Variants in MNAT1 observed in about 807,000 individuals in gnomAD.
The protein encoded by MNAT1 is CDK-activating kinase assembly factor MAT1.
MNAT1 carries 43 observed loss-of-function variants against 42.0 expected under a neutral mutation model. That is an observed-to-expected ratio of 1.02 (90% confidence interval 0.80 to 1.32). The LOEUF is 1.32. MNAT1 is among the 40% of genes most tolerant of loss of function. The pLI, the probability that MNAT1 is intolerant of heterozygous loss-of-function variation, is 0.00. For synonymous variants in MNAT1, 118 were observed against 120.0 expected, an observed-to-expected ratio of 0.98 and a Z score of 0.11; for missense variants, 306 against 350.4, an observed-to-expected ratio of 0.87 and a Z score of 1.01.
chr14:60,930,574 T>C (rs1382018596), intron 7 of MNAT1, among the ~76,000 whole-genome samples: 1 of 152,160 alleles, frequency 6.6e-6, no homozygotes, highest in Non-Finnish European at 1.5e-5. Context: ...GAGATTGTCA[T>C]ATAAACAAGA....
Position 60,818,749 on chromosome 14 carries a change from C to T in MNAT1, c.589C>T (p.Leu197Phe). ...GAGTTCTGATCTCCCTGTTGCTCTG[C>T]TTTTGGCTCAGCATAAAGATAGATC... is the stretch of plus-strand genomic sequence containing the variant. ...LESSDLPVAL[L>F]LAQHKDRSTQ... Residue 197 changes from leucine (L) to phenylalanine (F), a missense_variant, in exon 6 of 8, where the codon CTT becomes TTT. Coordinates refer to ENST00000261245, the MANE Select transcript of MNAT1 (RefSeq NM_002431.4). 1 of 1,611,234 alleles carries T rather than the reference C, an allele frequency of 6.2e-7. No homozygotes were observed. Among genetic ancestry groups the T allele is most frequent in the Non-Finnish European group, 8.5e-7 (1 of 1,178,146 alleles).
chr14:60,828,721 A>G (rs1047792759), intron 6 of MNAT1, among the ~76,000 whole-genome samples: 6 of 152,162 alleles, frequency 3.9e-5, no homozygotes, highest in African/African-American at 1.4e-4. Flanking sequence ...CGAAAGCTCC[A>G]GGTGGTAACC....
chr14:60,957,135 T>A (rs2036501070), intron 7 of MNAT1, among the ~76,000 whole-genome samples: 1 of 152,238 alleles, frequency 6.6e-6, no homozygotes, highest in Non-Finnish European at 1.5e-5. Flanking sequence ...TTTCTTCTAT[T>A]CCTTTCTCTT....
At chr14:60,769,991 T>C (rs991965043) in intron 1 of MNAT1, among the ~76,000 whole-genome samples, 2 of 152,286 alleles carry the variant, frequency 1.3e-5, no homozygotes, top group Non-Finnish European at 2.9e-5. Context: ...TTTTTAAGTG[T>C]ATAGTTCAGT....
At chr14:60,959,272 G>T (rs1594912279) in intron 7 of MNAT1, among the ~76,000 whole-genome samples, 1 of 152,226 alleles carries the variant, frequency 6.6e-6, no homozygotes, top group Non-Finnish European at 1.5e-5. Context: ...ATCTCTTGTG[G>T]TAGCCACAAG....
In MNAT1 at chr14:60,798,246, C is replaced by T. The variant is rs932171819; in HGVS notation, c.316+86C>T. 3.7e-5 allele frequency: 25 copies of T among 681,972 alleles called. No individual in the cohort carries two copies. The African/African-American group carries it at 4.0e-4, about 11-fold the overall frequency. 42.2% of individuals were successfully genotyped at this position (681,972 alleles called of 1,614,324 possible). On this transcript the variant is annotated intron_variant, in intron 3 of 7. Transcript: ENST00000261245. ...CTTAGGAGAACATCTCACATAAAAACCTCTTAACAGGTTTTGTTGTGATAG... is the reference window on the plus strand; with the variant it reads ...CTTAGGAGAACATCTCACATAAAAATCTCTTAACAGGTTTTGTTGTGATAG...
chr14:60,891,537 G>A (rs986171970), intron 7 of MNAT1, among the ~76,000 whole-genome samples: 1 of 151,588 alleles, frequency 6.6e-6, no homozygotes, highest in Non-Finnish European at 1.5e-5. Context: ...TGCAACCTCC[G>A]CCTCCCATAT....
At chr14:60,777,861 A>G (rs893116811) in intron 1 of MNAT1, among the ~76,000 whole-genome samples, 2 of 152,330 alleles carry the variant, frequency 1.3e-5, no homozygotes, top group Admixed American at 6.5e-5. Context: ...GGATGAGAAC[A>G]AAGTAGACCA....
chr14:60,882,903 A>G (rs530322280), intron 7 of MNAT1, among the ~76,000 whole-genome samples: 68 of 152,142 alleles, frequency 4.5e-4, no homozygotes, highest in African/African-American at 1.6e-3. Flanking sequence ...TGTATGTTCA[A>G]ATCTTTTGCC....
chr14:60,882,894 G>A (rs552010359), intron 7 of MNAT1, among the ~76,000 whole-genome samples: 6 of 152,180 alleles, frequency 3.9e-5, no homozygotes, highest in Middle Eastern at 3.4e-3. Flanking sequence ...TTTGAGAAAT[G>A]TATGTTCAAA....
chr14:60,741,638 C>T (rs995121148), intron 1 of MNAT1, among the ~76,000 whole-genome samples: 21 of 140,786 alleles, frequency 1.5e-4, no homozygotes, highest in African/African-American at 5.3e-4. Context: ...GGATTACAGG[C>T]GTGAGCCACT....
intron 7 of MNAT1, among the ~76,000 whole-genome samples, chr14:60,953,788 T>C (rs1306865546): frequency 6.6e-6 from 1 of 152,182 alleles, no homozygotes; most frequent in African/African-American, 2.4e-5. Context: ...TGCGAACCCT[T>C]GTTATATATT....
intron 1 of MNAT1, among the ~76,000 whole-genome samples, chr14:60,795,780 A>G (rs189795401): frequency 1.3e-5 from 2 of 152,192 alleles, no homozygotes; most frequent in Non-Finnish European, 2.9e-5. Context: ...CTTACAAGGA[A>G]AGGAAGAAAA....
intron 6 of MNAT1, among the ~76,000 whole-genome samples, chr14:60,873,902 C>T (rs1485015507): frequency 2.6e-5 from 4 of 152,096 alleles, no homozygotes; most frequent in African/African-American, 9.7e-5. Flanking sequence ...TTTACTTAAA[C>T]TGATGTTTAC....
chr14:60,757,234 A>G (rs1353544983), intron 1 of MNAT1, among the ~76,000 whole-genome samples: 3 of 152,172 alleles, frequency 2.0e-5, no homozygotes, highest in African/African-American at 7.2e-5. Context: ...AGATGGAAAT[A>G]CATACTGATC....
At chr14:60,865,112 T>A (rs1420674353) in intron 6 of MNAT1, among the ~76,000 whole-genome samples, 1 of 151,950 alleles carries the variant, frequency 6.6e-6, no homozygotes, top group Non-Finnish European at 1.5e-5. Context: ...CACAGAAGAG[T>A]CAAATCTAAA....
At chr14:60,823,787 C>T (rs570234607) in intron 6 of MNAT1, among the ~76,000 whole-genome samples, 6 of 152,064 alleles carry the variant, frequency 3.9e-5, no homozygotes, top group Admixed American at 6.5e-5. Flanking sequence ...TGAACTAGGG[C>T]GGCAGAGGTT....
At chr14:60,850,519 G>A (rs367816816) in intron 6 of MNAT1, among the ~76,000 whole-genome samples, 2 of 152,218 alleles carry the variant, frequency 1.3e-5, no homozygotes, top group East Asian at 1.9e-4. Flanking sequence ...AGGCAGAATA[G>A]CAGTGAGATA....
chr14:60,799,268 G>A (rs1440492367), intron 3 of MNAT1: 3 of 985,268 alleles, frequency 3.0e-6, no homozygotes, highest in African/African-American at 1.7e-5. Flanking sequence ...GCAATCATGA[G>A]TGACTATGGA....
Sources: gnomAD v4.1 joint callset for allele counts (sites outside exome capture counted in the v4.1 genomes callset) on GRCh38, gnomAD v4.1.1 for gene constraint, MANE v1.5 for transcripts, NCBI Gene and HGNC (gene_info 2026-07-23, HGNC 2026-07-21) for gene names.